The following SCGB2B2 variants were observed in gnomAD, a reference collection of about 807,000 sequenced individuals.
The protein encoded by SCGB2B2 is secretoglobin family 2B member 2.
In SCGB2B2, 11 loss-of-function variants were observed where a neutral mutation model predicts 7.6. That is an observed-to-expected ratio of 1.45 (90% CI 0.91 to 2.40). SCGB2B2 has a LOEUF of 2.40. Among genes scored for constraint, SCGB2B2 ranks in the 30% most tolerant of loss-of-function variants. The pLI is 0.00. For missense variants in SCGB2B2, 104 were observed against 115.4 expected (o/e 0.90, Z 0.45); for synonymous variants, 50 against 48.6 (o/e 1.03, Z -0.12).
chr19:34,594,696 T>A lies in SCGB2B2; in HGVS notation c.-133A>T. On this transcript the variant is annotated 5_prime_UTR_variant, in exon 2 of 4. Transcript: ENST00000601241. ...GTGTGTGTGTGTGTGTGTGTGTGTG[T>A]GTGTGTGAATGTGGTCAGGGCAGGT... 2.0e-5 allele frequency: 12 copies of A among 602,148 alleles called. No homozygotes were observed. Among genetic ancestry groups the A allele is most frequent in the East Asian group, 7.2e-5 (2 of 27,720 alleles). 37.3% of individuals were successfully genotyped at this position (602,148 alleles called of 1,614,324 possible).
chr19:34,600,774 A>C (rs1274402349), intron 1 of SCGB2B2, among the ~76,000 whole-genome samples: 1 of 152,122 alleles, frequency 6.6e-6, no homozygotes, highest in Non-Finnish European at 1.5e-5. Flanking sequence ...ATTCTTGGTA[A>C]GAGCCCTTGT....
chr19:34,645,266 G>C (rs1182501354), intron 1 of SCGB2B2: 1 of 152,170 alleles, frequency 6.6e-6, no homozygotes, highest in Non-Finnish European at 1.5e-5. Context: ...CAAGACACAG[G>C]GTCATGCCCC....
At chr19:34,606,314 T>TA in intron 1 of SCGB2B2, among the ~76,000 whole-genome samples, 1 of 152,148 alleles carries the variant, frequency 6.6e-6, no homozygotes, top group Admixed American at 6.5e-5. Flanking sequence ...TTAGAATTTA[T>TA]AAAAAGGTAT....
At chr19:34,622,903 G>A (rs936302936) in intron 1 of SCGB2B2, among the ~76,000 whole-genome samples, 1 of 130,000 alleles carries the variant, frequency 7.7e-6, no homozygotes, top group Non-Finnish European at 1.6e-5. Context: ...AAAAGGCTGA[G>A]GGGTTTTCAT....
intron 1 of SCGB2B2, among the ~76,000 whole-genome samples, chr19:34,617,856 TG>T (rs2066129314): frequency 6.6e-6 from 1 of 152,102 alleles, no homozygotes. Context: ...TTGAAATCGT[TG>T]GAAAAGCGCA....
chr19:34,644,520 T>C (rs905825709), intron 1 of SCGB2B2, among the ~76,000 whole-genome samples: 8 of 152,190 alleles, frequency 5.3e-5, no homozygotes, highest in African/African-American at 1.9e-4. Flanking sequence ...ACAAAAATTC[T>C]GTACCCATCA....
At chr19:34,631,617 T>C (rs981171399) in intron 1 of SCGB2B2, among the ~76,000 whole-genome samples, 7 of 152,006 alleles carry the variant, frequency 4.6e-5, no homozygotes, top group Admixed American at 4.6e-4. Context: ...AAATTAAAGA[T>C]CTAAATAAAG....
At chr19:34,647,234 AG>A (rs1002511158) in intron 1 of SCGB2B2, among the ~76,000 whole-genome samples, 2 of 152,172 alleles carry the variant, frequency 1.3e-5, no homozygotes, top group African/African-American at 4.8e-5. Context: ...CACCACTCTC[AG>A]GCATGGTGCC....
intron 1 of SCGB2B2, among the ~76,000 whole-genome samples, chr19:34,669,335 T>C (rs1442527448): frequency 2.6e-5 from 4 of 152,206 alleles, no homozygotes; most frequent in African/African-American, 9.7e-5. Context: ...TGAATCTAAA[T>C]TACAATTTAC....
rs550123610 is a variant in SCGB2B2 at position 34,668,951 on chromosome 19, AC to A, written c.-2032+6678del. On this transcript the variant is annotated intron_variant, in intron 1 of 3. Coordinates refer to ENST00000601241, the MANE Select transcript of SCGB2B2 (RefSeq NM_001025591.4). The stretch of plus-strand genomic sequence containing the variant: ...CAGGCTGCCCCAGCCAGCAGTGGCA[AC>A]CAGCTGGGGTCCCCTTCCACACTGT... Among the ~76,000 whole-genome samples the A allele has an allele frequency of 3.2e-3, 483 of 151,880 alleles. 2 individuals are homozygous for A. The highest frequency in any genetic ancestry group is 0.011 in the African/African-American group (456 of 41,490).
chr19:34,593,615 G>A lies in SCGB2B2; in HGVS notation c.247-16C>T, dbSNP rs1568426679. 6.4e-7 allele frequency: 1 copy of A among 1,550,784 alleles called. No individual in the cohort carries two copies. The highest frequency in any genetic ancestry group is 2.0e-5 in the Admixed American group (1 of 51,100). On this transcript the variant is annotated splice_polypyrimidine_tract_variant and intron_variant, in intron 3 of 3. Coordinates refer to ENST00000601241, the MANE Select transcript of SCGB2B2 (RefSeq NM_001025591.4). ...GGATCTTCTTCTGTTGGAAAAAGAA[G>A]AAAGAGAGGAGCCGGTGGCCTCTGT...
intron 1 of SCGB2B2, among the ~76,000 whole-genome samples, chr19:34,612,248 A>G (rs1241457778): frequency 6.6e-6 from 1 of 151,312 alleles, no homozygotes; most frequent in Non-Finnish European, 1.5e-5. Flanking sequence ...TATGTTGGCC[A>G]GGATGGTCTT....
At chr19:34,602,354 T>C (rs1308894729) in intron 1 of SCGB2B2, among the ~76,000 whole-genome samples, 1 of 152,214 alleles carries the variant, frequency 6.6e-6, no homozygotes, top group Non-Finnish European at 1.5e-5. Flanking sequence ...TAATATATTG[T>C]GTGGAACATT....
intron 1 of SCGB2B2, among the ~76,000 whole-genome samples, chr19:34,621,607 A>C (rs2066244543): frequency 6.6e-6 from 1 of 152,200 alleles, no homozygotes. Context: ...AAAACATAAA[A>C]ATCTTTTAAA....
intron 1 of SCGB2B2, among the ~76,000 whole-genome samples, chr19:34,669,277 A>G (rs550823549): frequency 2.6e-5 from 4 of 152,196 alleles, no homozygotes; most frequent in Non-Finnish European, 5.9e-5. Context: ...TGCACTTTCT[A>G]TATCTCACTT....
intron 1 of SCGB2B2, among the ~76,000 whole-genome samples, chr19:34,631,307 T>G (rs1017755671): frequency 1.6e-5 from 2 of 128,150 alleles, no homozygotes; most frequent in African/African-American, 7.1e-5. Flanking sequence ...CATTATGAGT[T>G]TTTTTTTTTT....
chr19:34,611,014 T>G (rs543326520), intron 1 of SCGB2B2, among the ~76,000 whole-genome samples: 1 of 152,270 alleles, frequency 6.6e-6, no homozygotes, highest in Non-Finnish European at 1.5e-5. Flanking sequence ...AATTGCTCAA[T>G]TCAGGAGTTC....
At chr19:34,626,880 G>C (rs901660614) in intron 1 of SCGB2B2, among the ~76,000 whole-genome samples, 1 of 152,202 alleles carries the variant, frequency 6.6e-6, no homozygotes. Context: ...TACCCACAAG[G>C]GGAAGCCCAT....
intron 1 of SCGB2B2, among the ~76,000 whole-genome samples, chr19:34,597,681 A>C (rs1013965959): frequency 6.6e-6 from 1 of 152,004 alleles, no homozygotes; most frequent in Non-Finnish European, 1.5e-5. Context: ...CACAGGAGGG[A>C]CGCGAGGCCT....
Sources: gnomAD v4.1 joint callset for allele counts (sites outside exome capture counted in the v4.1 genomes callset) on GRCh38, gnomAD v4.1.1 for gene constraint, MANE v1.5 for transcripts, NCBI Gene and HGNC (gene_info 2026-07-23, HGNC 2026-07-21) for gene names.